The following SGCD variants were observed in gnomAD, a reference collection of about 807,000 sequenced individuals.
SGCD encodes delta-sarcoglycan.
Under a neutral mutation model 36.6 loss-of-function variants are expected in SGCD, and 18 were observed. The observed-to-expected ratio is 0.49, with a 90% confidence interval of 0.34 to 0.73. The LOEUF is 0.73. SGCD is among the 30% of genes least tolerant of loss of function. SGCD has a pLI of 0.01. For synonymous variants in SGCD, 133 were observed against 130.6 expected, an observed-to-expected ratio of 1.02 and a Z score of -0.12; for missense variants, 387 against 346.7, an observed-to-expected ratio of 1.12 and a Z score of -0.92.
chr5:156,535,333 T>C (rs1248396938), intron 4 of SGCD, among the ~76,000 whole-genome samples: 1 of 152,226 alleles, frequency 6.6e-6, no homozygotes, highest in Admixed American at 6.5e-5. Flanking sequence ...GCTGCTCATA[T>C]TCCATGAAAT....
chr5:156,422,812 G>A (rs928450407), intron 3 of SGCD, among the ~76,000 whole-genome samples: 1 of 151,910 alleles, frequency 6.6e-6, no homozygotes, highest in African/African-American at 2.4e-5. Flanking sequence ...TTCAGACATT[G>A]CTCTATGTCC....
intron 3 of SGCD, among the ~76,000 whole-genome samples, chr5:156,399,959 T>G (rs73293268): frequency 2.6e-5 from 4 of 152,184 alleles, no homozygotes; most frequent in African/African-American, 9.7e-5. Flanking sequence ...CAATTTCTAA[T>G]GTGTACCTCA....
At position 156,340,753 on chromosome 5, in the gene SGCD, C is replaced by T. The variant is rs186644771; in HGVS notation, c.4-3736C>T. ...CCCAAGTGAGGAATTAACGTTTTAA[C>T]TTCAATTCCCCGGGCAGTACATTTG... On this transcript the variant is annotated intron_variant, in intron 2 of 8. Coordinates refer to ENST00000337851, the MANE Select transcript of SGCD (RefSeq NM_000337.6). 1.1e-4 allele frequency among the ~76,000 whole-genome samples: 16 copies of T among 152,326 alleles called. No individual in the cohort carries two copies. The East Asian group carries it at 3.1e-3, about 29-fold the overall frequency.
chr5:156,423,158 AAAT>A (rs1473110614), intron 3 of SGCD, among the ~76,000 whole-genome samples: 1 of 23,090 alleles, frequency 4.3e-5, no homozygotes, highest in Non-Finnish European at 9.2e-5. Flanking sequence ...TTAATTATTT[AAAT>A]ATTATATTTA....
chr5:156,008,868 T>C (rs891133934), intron 1 of SGCD, among the ~76,000 whole-genome samples: 1 of 152,230 alleles, frequency 6.6e-6, no homozygotes, highest in Non-Finnish European at 1.5e-5. Context: ...AACCATCTTA[T>C]TTGCTTTCTC....
chr5:155,732,579 G>A, the SGCD span, among the ~76,000 whole-genome samples: 1 of 152,296 alleles, frequency 6.6e-6, no homozygotes, highest in Non-Finnish European at 1.5e-5. Context: ...CCAGCACCCA[G>A]TCTGGAGTCT....
At chr5:155,787,742 T>C in the SGCD span, among the ~76,000 whole-genome samples, 1 of 152,038 alleles carries the variant, frequency 6.6e-6, no homozygotes, top group African/African-American at 2.4e-5. Flanking sequence ...TATAGCTACA[T>C]GGCACCGGAA....
chr5:156,570,654 CA>C (rs747094108), intron 4 of SGCD, among the ~76,000 whole-genome samples: 5 of 152,122 alleles, frequency 3.3e-5, no homozygotes, highest in Non-Finnish European at 5.9e-5. Context: ...CTTTTAAGTT[CA>C]GGGGTACATG....
intron 1 of SGCD, among the ~76,000 whole-genome samples, chr5:155,895,991 A>G (rs952963727): frequency 6.6e-6 from 1 of 152,268 alleles, no homozygotes; most frequent in Non-Finnish European, 1.5e-5. Flanking sequence ...TCTCTGTCTT[A>G]CACTTGAACT....
intron 4 of SGCD, among the ~76,000 whole-genome samples, chr5:156,529,286 G>C (rs1484881164): frequency 6.6e-6 from 1 of 151,962 alleles, no homozygotes; most frequent in Non-Finnish European, 1.5e-5. Context: ...TTAGCTGGGC[G>C]TGGTGGTGTG....
intron 1 of SGCD, among the ~76,000 whole-genome samples, chr5:155,897,779 A>G (rs1756299639): frequency 6.6e-6 from 1 of 152,172 alleles, no homozygotes. Flanking sequence ...TATTATAGGA[A>G]ATTTTTAGTT....
chr5:155,742,277 A>G, the SGCD span, among the ~76,000 whole-genome samples: 16,960 of 152,176 alleles, frequency 0.11, 2,601 homozygotes, highest in African/African-American at 0.35. Context: ...CTTGTTGTCA[A>G]AAATTCTATT....
At chr5:156,434,979 CT>C (rs1753182698) in intron 3 of SGCD, among the ~76,000 whole-genome samples, 1 of 152,116 alleles carries the variant, frequency 6.6e-6, no homozygotes, top group Non-Finnish European at 1.5e-5. Context: ...TTAGAAAAGT[CT>C]AGTTACACTT....
chr5:156,204,457 T>A lies in SGCD; in HGVS notation c.-44+80438T>A, dbSNP rs188853825. Among the ~76,000 whole-genome samples the A allele has an allele frequency of 3.5e-3, 488 of 141,186 alleles. 11 individuals are homozygous for A. In the South Asian group the frequency reaches 0.041, roughly 12 times the overall value. The allele number at this position is 141,186 out of a possible 152,430, so 92.6% of individuals were successfully genotyped here. ...TGAAAGATGTCACAGTTTAACTAGT[T>A]TAGCCAACACACTCATACACACACA... On this transcript the variant is annotated intron_variant, in intron 3 of 9. Coordinates refer to the SGCD transcript ENST00000517913.
At chr5:156,030,796 G>T (rs546642812) in intron 1 of SGCD, among the ~76,000 whole-genome samples, 1 of 152,114 alleles carries the variant, frequency 6.6e-6, no homozygotes, top group East Asian at 1.9e-4. Flanking sequence ...TGCAAAGGAA[G>T]AAGAAATTAC....
rs190357621 is a variant in SGCD at position 156,500,156 on chromosome 5, A to C, written c.193-8445A>C. On this transcript the variant is annotated intron_variant, in intron 3 of 8. Transcript: ENST00000337851. ...GCTGTATCCCCCTGGTTGGGAATAC[A>C]TACTCTAATAAATTGGAATCTCATG... Among the ~76,000 whole-genome samples the C allele has an allele frequency of 1.8e-3, 281 of 152,350 alleles. 1 individual carries two copies. Among genetic ancestry groups the C allele is most frequent in the Middle Eastern group, 0.01 (3 of 294 alleles).
intron 1 of SGCD, among the ~76,000 whole-genome samples, chr5:156,008,410 C>G (rs1029922462): frequency 1.3e-5 from 2 of 152,090 alleles, no homozygotes; most frequent in Admixed American, 1.3e-4. Context: ...GGTTCTGGCT[C>G]TGCTCTTCAG....
At chr5:155,905,135 G>A (rs1039134169) in intron 1 of SGCD, among the ~76,000 whole-genome samples, 2 of 152,144 alleles carry the variant, frequency 1.3e-5, no homozygotes, top group Admixed American at 6.6e-5. Context: ...CAAGTCCCAG[G>A]CAAGATGTCT....
intron 3 of SGCD, among the ~76,000 whole-genome samples, chr5:156,164,855 A>G (rs745602539): frequency 1.3e-5 from 2 of 152,210 alleles, no homozygotes; most frequent in Non-Finnish European, 2.9e-5. Context: ...ATTTGAAGGG[A>G]CAAAACATGA....
Sources: gnomAD v4.1 joint callset for allele counts (sites outside exome capture counted in the v4.1 genomes callset) on GRCh38, gnomAD v4.1.1 for gene constraint, MANE v1.5 for transcripts, NCBI Gene and HGNC (gene_info 2026-07-23, HGNC 2026-07-21) for gene names.